ABCC6: variants seen among roughly 807,000 people sequenced by gnomAD.
ABCC6 encodes the protein ATP-binding cassette sub-family C member 6.
In ABCC6, 126 loss-of-function variants were observed where a neutral mutation model predicts 169.5. The ratio of observed to expected loss-of-function variants is 0.74; its 90% confidence interval spans 0.64 to 0.86. The LOEUF (loss-of-function observed/expected upper bound fraction) is 0.86. Among genes scored for constraint, ABCC6 ranks in the 40% least tolerant of loss-of-function variants. ABCC6 has a pLI of 0.00. For missense variants in ABCC6, 1,733 were observed against 1,927.2 expected, an observed-to-expected ratio of 0.90 and a Z score of 1.89; for synonymous variants, 752 against 814.7, an observed-to-expected ratio of 0.92 and a Z score of 1.31.
chr16:16,151,534 T>C (rs1347335486), intron 29 of ABCC6, among the ~76,000 whole-genome samples: 2 of 152,222 alleles, frequency 1.3e-5, no homozygotes, highest in African/African-American at 4.8e-5. Flanking sequence ...TCCTAAGACA[T>C]TCAAGGCTGG....
intron 20 of ABCC6, among the ~76,000 whole-genome samples, chr16:16,174,367 C>A (rs2047203000): frequency 6.6e-6 from 1 of 152,182 alleles, no homozygotes; most frequent in Non-Finnish European, 1.5e-5. Context: ...CTTCCTTTTT[C>A]TGTCTATTAA....
At chr16:16,198,857 G>A (rs2048144433) in intron 9 of ABCC6, among the ~76,000 whole-genome samples, 1 of 152,030 alleles carries the variant, frequency 6.6e-6, no homozygotes, top group African/African-American at 2.4e-5. Flanking sequence ...AGCTGGGCAT[G>A]GTGGCAGGCA....
At chr16:16,158,787 C>T (rs1567470675) in intron 26 of ABCC6, among the ~76,000 whole-genome samples, 1 of 152,024 alleles carries the variant, frequency 6.6e-6, no homozygotes, top group Non-Finnish European at 1.5e-5. Flanking sequence ...GGAATGTTGC[C>T]ATCATGTTAC....
intron 25 of ABCC6, 86 bp downstream of exon 25, chr16:16,161,350 CAG>C: frequency 1.3e-6 from 2 of 1,593,002 alleles, no homozygotes; most frequent in Non-Finnish European, 1.7e-6. Context: ...GGTTTGGACA[CAG>C]GGTCTTCAAA....
intron 19 of ABCC6, 151 bp downstream of exon 19, chr16:16,177,301 G>T: frequency 1.2e-6 from 1 of 832,266 alleles, no homozygotes; most frequent in Non-Finnish European, 2.0e-6. Flanking sequence ...GGAGAAAGGT[G>T]ACCTATTAAG....
At chr16:16,172,951 A>G in intron 21 of ABCC6, 2 of 375,222 alleles carry the variant, frequency 5.3e-6, no homozygotes, top group East Asian at 6.2e-5. Flanking sequence ...CTGAGGTAGG[A>G]GGATTGCTTT....
chr16:16,217,091 C>T (rs1378940266), intron 4 of ABCC6, among the ~76,000 whole-genome samples: 1 of 152,188 alleles, frequency 6.6e-6, no homozygotes, highest in African/African-American at 2.4e-5. Context: ...TTTCATTAAG[C>T]TAGTGTGAAC....
chr16:16,206,218 C>T (rs1358532458), intron 7 of ABCC6, among the ~76,000 whole-genome samples: 5 of 152,182 alleles, frequency 3.3e-5, no homozygotes, highest in African/African-American at 7.2e-5. Context: ...TGCTGTCTGA[C>T]GTCTGGTCTC....
intron 7 of ABCC6, among the ~76,000 whole-genome samples, chr16:16,205,445 A>G (rs777906041): frequency 4.9e-5 from 7 of 141,758 alleles, no homozygotes; most frequent in Non-Finnish European, 9.5e-5. Context: ...GAAGCATAAG[A>G]AAAACCTCTG....
intron 18 of ABCC6, among the ~76,000 whole-genome samples, chr16:16,178,007 A>G (rs1850323921): frequency 6.8e-6 from 1 of 146,944 alleles, no homozygotes; most frequent in South Asian, 2.1e-4. Flanking sequence ...AAGGAAGGAA[A>G]GAGAGAGAGA....
Position 16,161,507 on chromosome 16 carries a change from C to A in ABCC6, c.3564G>T (p.Thr1188=), listed in dbSNP as rs58494932. Residue 1188 remains threonine, a synonymous_variant, in exon 25 of 31, where the codon ACG becomes ACT. Transcript: ENST00000205557. ...LGNGLVFAAA[T]CAVLSKAHLS... is the part of the protein sequence containing the mutation. ...GGTGGGCTTTGCTCAGCACAGCACA[C>A]GTGGCAGCTGCAAACACCAGGCCAT... 1 of 1,613,992 alleles carries A rather than the reference C, an allele frequency of 6.2e-7. No individual in the cohort carries two copies. Among genetic ancestry groups the A allele is most frequent in the African/African-American group, 1.3e-5 (1 of 75,058 alleles).
chr16:16,178,589 T>C (rs1190942236), intron 18 of ABCC6, among the ~76,000 whole-genome samples: 5 of 151,962 alleles, frequency 3.3e-5, no homozygotes, highest in Non-Finnish European at 7.4e-5. Context: ...AAATCACAGA[T>C]CCATAAGGAA....
Position 16,149,747 on chromosome 16 carries a change from G to A in ABCC6, c.*386C>T. 5.4e-6 allele frequency: 2 copies of A among 372,450 alleles called. No homozygotes were observed. Among genetic ancestry groups the A allele is most frequent in the South Asian group, 7.4e-5 (2 of 27,096 alleles). 23.1% of individuals were successfully genotyped at this position (372,450 alleles called of 1,614,324 possible). On this transcript the variant is annotated 3_prime_UTR_variant, in exon 31 of 31. Transcript: ENST00000205557. ...AGTCTGGGATTATCCCAAAATAAAAGTGTTAATTTGTAAAAAGTACACACA... is the reference window on the plus strand; with the variant it reads ...AGTCTGGGATTATCCCAAAATAAAAATGTTAATTTGTAAAAAGTACACACA...
intron 20 of ABCC6, among the ~76,000 whole-genome samples, chr16:16,174,760 A>ACCCCCCCCCC (rs386789398): frequency 1.8e-4 from 17 of 94,636 alleles, no homozygotes; most frequent in East Asian, 1.1e-3. Flanking sequence ...CTGTCTCAAA[A>ACCCCCCCCCC]CCCCCCCCCG....
At chr16:16,207,020 G>T (rs2048413777) in intron 7 of ABCC6, among the ~76,000 whole-genome samples, 1 of 152,182 alleles carries the variant, frequency 6.6e-6, no homozygotes, top group Non-Finnish European at 1.5e-5. Context: ...CACGCCTGTG[G>T]TCCCAGCTAC....
chr16:16,170,964 AAGAAAG>A (rs1157290189), intron 21 of ABCC6, among the ~76,000 whole-genome samples: 1 of 150,214 alleles, frequency 6.7e-6, no homozygotes, highest in African/African-American at 2.4e-5. Flanking sequence ...GAAAGAAAGA[AAGAAAG>A]AAATTCCAAG....
chr16:16,219,197 T>G (rs1596773950), intron 4 of ABCC6, among the ~76,000 whole-genome samples: 2 of 115,476 alleles, frequency 1.7e-5, no homozygotes, highest in Admixed American at 9.4e-5. Flanking sequence ...TGAGGGGAGG[T>G]GTGCACGGAG....
intron 4 of ABCC6, among the ~76,000 whole-genome samples, chr16:16,214,850 T>G (rs1311208537): frequency 6.6e-6 from 1 of 152,188 alleles, no homozygotes; most frequent in Non-Finnish European, 1.5e-5. Flanking sequence ...CCTAAAGTGA[T>G]CTGCCTGCCT....
chr16:16,200,969 G>GT (rs1214419554), intron 9 of ABCC6, among the ~76,000 whole-genome samples: 57 of 148,274 alleles, frequency 3.8e-4, no homozygotes, highest in South Asian at 8.6e-4. Flanking sequence ...TTTTTGTTTT[G>GT]TTTTTTTTTT....
Sources: gnomAD v4.1 joint callset for allele counts (sites outside exome capture counted in the v4.1 genomes callset) on GRCh38, gnomAD v4.1.1 for gene constraint, MANE v1.5 for transcripts, NCBI Gene and HGNC (gene_info 2026-07-23, HGNC 2026-07-21) for gene names.